The following USP47 variants were observed in gnomAD, a reference collection of about 807,000 sequenced individuals.
USP47 encodes ubiquitin specific peptidase 47, also known as ubiquitin carboxyl-terminal hydrolase 47.
A neutral mutation model predicts 165.1 loss-of-function variants in USP47; 35 were observed. The ratio of observed to expected loss-of-function variants is 0.21; its 90% CI spans 0.16 to 0.28. USP47 has a LOEUF of 0.28. Ranked by LOEUF, USP47 falls within the 10% of genes least tolerant of loss-of-function variation. The probability of loss-of-function intolerance (pLI) is 1.00; values close to 1 mark genes in which losing one functional copy is unlikely to be tolerated. For missense variants in USP47, 1,277 were observed against 1,607.4 expected, an observed-to-expected ratio of 0.79 and a Z score of 3.52; for synonymous variants, 531 against 544.5, an observed-to-expected ratio of 0.98 and a Z score of 0.35.
chr11:11,952,541 A>G (rs1159773077), intron 24 of USP47, 200 bp from the exon 25 acceptor site: 2 of 399,620 alleles, frequency 5.0e-6, no homozygotes, highest in Non-Finnish European at 8.6e-6. Context: ...GAAGAGAGGA[A>G]TTATCTTCTG....
rs983115333 is a variant in USP47 at position 11,959,240 on chromosome 11, A to G, written c.*3065A>G. On this transcript the variant is annotated 3_prime_UTR_variant, in exon 28 of 28. Transcript: ENST00000527733. ...CAGCGTCAAGGCCCTAATTTTGCAAATGTAGTCTAAACCACATTACGTGGA... is the reference window on the plus strand; with the variant it reads ...CAGCGTCAAGGCCCTAATTTTGCAAGTGTAGTCTAAACCACATTACGTGGA... 14 of 152,316 alleles carry G rather than the reference A, an allele frequency of 9.2e-5. No individual in the cohort carries two copies. Among genetic ancestry groups the G allele is most frequent in the African/African-American group, 3.4e-4 (14 of 41,560 alleles). 9.4% of individuals were successfully genotyped at this position (152,316 alleles called of 1,614,324 possible).
At chr11:11,925,671 C>G (rs1854189175) in intron 11 of USP47, among the ~76,000 whole-genome samples, 1 of 151,386 alleles carries the variant, frequency 6.6e-6, no homozygotes, top group Non-Finnish European at 1.5e-5. Flanking sequence ...TTTCTACATA[C>G]AAGATTGTCA....
intron 11 of USP47, among the ~76,000 whole-genome samples, chr11:11,926,833 CACTT>C (rs1460993334): frequency 6.6e-6 from 1 of 150,386 alleles, no homozygotes; most frequent in Non-Finnish European, 1.5e-5. Context: ...TTAATGTAGG[CACTT>C]ACATCTATAA....
chr11:11,872,172 A>G (rs1850111918), intron 1 of USP47, among the ~76,000 whole-genome samples: 1 of 152,118 alleles, frequency 6.6e-6, no homozygotes. Context: ...TTCCTCACTC[A>G]ACATGTAGGT....
intron 19 of USP47, among the ~76,000 whole-genome samples, chr11:11,940,802 C>T (rs954017430): frequency 2.0e-5 from 3 of 151,450 alleles, no homozygotes; most frequent in African/African-American, 7.3e-5. Context: ...GTTCTTCCTC[C>T]TCTCCCTGCA....
chr11:11,920,294 T>A, intron 9 of USP47, 43 bp downstream of exon 9: 1 of 1,605,800 alleles, frequency 6.2e-7, no homozygotes, highest in Non-Finnish European at 8.5e-7. Context: ...TCTGAGATAA[T>A]ATTCCATATT....
At chr11:11,848,607 ATTTTT>A (rs35165430) in intron 1 of USP47, among the ~76,000 whole-genome samples, 1 of 113,480 alleles carries the variant, frequency 8.8e-6, no homozygotes. Flanking sequence ...TGAAACTGGC[ATTTTT>A]TTTTTTTTTT....
At chr11:11,845,823 G>T (rs899910700) in intron 1 of USP47, among the ~76,000 whole-genome samples, 1 of 152,162 alleles carries the variant, frequency 6.6e-6, no homozygotes, top group Non-Finnish European at 1.5e-5. Context: ...TCTTAGAAGA[G>T]ATCTGTTATT....
At chr11:11,891,594 A>G (rs906646569) in intron 3 of USP47, among the ~76,000 whole-genome samples, 1 of 152,160 alleles carries the variant, frequency 6.6e-6, no homozygotes, top group Non-Finnish European at 1.5e-5. Flanking sequence ...TATGTCCCTT[A>G]ATCCTTTTCA....
At chr11:11,913,087 C>T (rs905164691) in intron 8 of USP47, among the ~76,000 whole-genome samples, 2 of 151,842 alleles carry the variant, frequency 1.3e-5, no homozygotes, top group Non-Finnish European at 2.9e-5. Context: ...GGGAATGGCA[C>T]GCTTGTCTAG....
In USP47 at chr11:11,920,263, G is replaced by A. The variant is rs1201159894; in HGVS notation, c.1065+12G>A. 3 of 1,608,766 alleles carry A rather than the reference G, an allele frequency of 1.9e-6. No homozygotes were observed. Among genetic ancestry groups the A allele is most frequent in the African/African-American group, 2.7e-5 (2 of 74,578 alleles). On this transcript the variant is annotated intron_variant, in intron 9 of 27. Transcript: ENST00000527733. ...GTGATGCACGGAAGGTAAATGCCAT[G>A]TAGAGATTAATACTTAGGAATCTGA... is the stretch of plus-strand genomic sequence containing the variant.
chr11:11,850,426 A>G (rs891435314), intron 1 of USP47, among the ~76,000 whole-genome samples: 3 of 137,000 alleles, frequency 2.2e-5, no homozygotes, highest in Admixed American at 7.2e-5. Context: ...AAAAAATCCT[A>G]TATTTGTTTT....
At position 11,958,492 on chromosome 11, in the gene USP47, A is replaced by G. The variant is rs1302599659; in HGVS notation, c.*2317A>G. The G allele has an allele frequency of 6.6e-6, 1 of 152,268 alleles. No individual in the cohort carries two copies. The highest frequency in any genetic ancestry group is 1.9e-4 in the East Asian group (1 of 5,202). The allele number at this position is 152,268 out of a possible 1,614,324, so 9.4% of individuals were successfully genotyped here. On this transcript the variant is annotated 3_prime_UTR_variant, in exon 28 of 28. Coordinates refer to ENST00000527733, the MANE Select transcript of USP47 (RefSeq NM_001282659.2). ...GGTGAGCATCCATAACCTAACAGGC[A>G]GAGCCCTAGCGATGTGGATCAAGTT... is the stretch of plus-strand genomic sequence containing the variant.
chr11:11,853,131 T>C (rs546783338), intron 1 of USP47, among the ~76,000 whole-genome samples: 192 of 152,200 alleles, frequency 1.3e-3, no homozygotes, highest in Admixed American at 4.8e-3. Flanking sequence ...GAGGAGTTCC[T>C]GCATCTCCAG....
chr11:11,951,384 A>G (rs892876749), intron 24 of USP47: 1 of 152,162 alleles, frequency 6.6e-6, no homozygotes, highest in African/African-American at 2.4e-5. Context: ...GGGGGGCACA[A>G]TTCAACCCAT....
chr11:11,923,176 G>A (rs557491235), intron 11 of USP47, among the ~76,000 whole-genome samples: 68 of 150,164 alleles, frequency 4.5e-4, no homozygotes, highest in Non-Finnish European at 8.0e-4. Context: ...CAAGCTGGAT[G>A]GTACAGAAAC....
chr11:11,911,292 C>T (rs1852962042), intron 8 of USP47, among the ~76,000 whole-genome samples: 1 of 152,102 alleles, frequency 6.6e-6, no homozygotes, highest in Non-Finnish European at 1.5e-5. Context: ...AAAGGTGTAA[C>T]ACTTGTGTCA....
chr11:11,911,103 T>G (rs1363205971), intron 8 of USP47, among the ~76,000 whole-genome samples: 1 of 152,134 alleles, frequency 6.6e-6, no homozygotes, highest in Non-Finnish European at 1.5e-5. Context: ...GTGGATAGGC[T>G]GAACAGCTGA....
intron 1 of USP47, among the ~76,000 whole-genome samples, chr11:11,853,508 T>C (rs1848843917): frequency 6.6e-6 from 1 of 152,200 alleles, no homozygotes; most frequent in Non-Finnish European, 1.5e-5. Context: ...TTAAAGAATA[T>C]GTGTTTTCCT....
Sources: gnomAD v4.1 joint callset for allele counts (sites outside exome capture counted in the v4.1 genomes callset) on GRCh38, gnomAD v4.1.1 for gene constraint, MANE v1.5 for transcripts, NCBI Gene and HGNC (gene_info 2026-07-23, HGNC 2026-07-21) for gene names.